Variants in APTX observed in about 807,000 individuals in gnomAD.
The protein encoded by APTX is aprataxin, also known as forkhead-associated domain histidine triad-like protein.
APTX carries 33 observed loss-of-function variants against 42.3 expected under a neutral mutation model. The ratio of observed to expected loss-of-function variants is 0.78; its 90% CI spans 0.59 to 1.04. The LOEUF is 1.04. Ranked by LOEUF, APTX falls within the 50% of genes least tolerant of loss-of-function variation. The pLI is 0.00. For missense variants in APTX, 421 were observed against 415.1 expected (o/e 1.01, Z -0.12); for synonymous variants, 130 against 146.7 (o/e 0.89, Z 0.82).
At chr9:32,997,641 AAAG>A (rs1435379403) in intron 1 of APTX, among the ~76,000 whole-genome samples, 1 of 152,170 alleles carries the variant, frequency 6.6e-6, no homozygotes, top group African/African-American at 2.4e-5. Context: ...GCAAGTACAC[AAAG>A]AAGAAATAGC....
chr9:33,006,282 T>C (rs1459657525), upstream of APTX, among the ~76,000 whole-genome samples: 1 of 152,118 alleles, frequency 6.6e-6, no homozygotes. Flanking sequence ...TAAAAAGAAT[T>C]TTTTTTAAAA....
intron 1 of APTX, among the ~76,000 whole-genome samples, chr9:33,008,129 A>T (rs1164321804): frequency 6.6e-6 from 1 of 152,156 alleles, no homozygotes; most frequent in Non-Finnish European, 1.5e-5. Context: ...CATGGCACAA[A>T]GATAAAATTC....
chr9:32,997,772 T>A (rs1835304468), intron 1 of APTX, among the ~76,000 whole-genome samples: 2 of 152,168 alleles, frequency 1.3e-5, no homozygotes, highest in Non-Finnish European at 2.9e-5. Context: ...AAGCTCAAAC[T>A]TTAGAACTTT....
At position 32,989,791 on chromosome 9, in the gene APTX, T is replaced by G; in HGVS notation, c.101A>C (p.Lys34Thr). ...AVVIGRGPET[K>T]ITDKKCSRQQ... is the part of the protein sequence containing the mutation. ...TCGAGAACATTTCTTATCAGTGATC[T>G]TGGTCTCTGGGCCACGCCCAATCAC... The change falls in exon 2 of 8, where the codon AAG becomes ACG. Residue 34 changes from lysine to threonine, a missense_variant. Coordinates refer to ENST00000379817, the MANE Select transcript of APTX (RefSeq NM_001195248.2). 1 of 1,614,272 alleles carries G rather than the reference T, an allele frequency of 6.2e-7. No homozygotes were observed. Among genetic ancestry groups the G allele is most frequent in the South Asian group, 1.1e-5 (1 of 91,086 alleles).
In APTX at chr9:33,001,395, G is replaced by A. The variant is rs775829713; in HGVS notation, c.-5+172C>T. ...TCGAAGACCAACGCGAGCGCCCGCT[G>A]AAACAGCCCAAGGTAGTAACAGGGG... On this transcript the variant is annotated intron_variant, in intron 1 of 7. Transcript: ENST00000379817. The A allele has an allele frequency of 3.3e-6, 5 of 1,533,758 alleles. No individual in the cohort carries two copies. The South Asian group carries it at 6.0e-5, about 18-fold the overall frequency.
At chr9:32,974,879 C>G (rs1013904143) in intron 6 of APTX, among the ~76,000 whole-genome samples, 6 of 151,668 alleles carry the variant, frequency 4.0e-5, no homozygotes, top group African/African-American at 1.2e-4. Flanking sequence ...AATAAGCAAA[C>G]AAATAAACAA....
chr9:32,974,282 G>A (rs1051505295), intron 7 of APTX, among the ~76,000 whole-genome samples, 176 bp downstream of exon 7: 3 of 152,114 alleles, frequency 2.0e-5, no homozygotes, highest in African/African-American at 4.8e-5. Flanking sequence ...CAGCAAAGTG[G>A]CAATAATACT....
intron 6 of APTX, among the ~76,000 whole-genome samples, chr9:32,982,171 C>T (rs980207299): frequency 2.0e-5 from 3 of 152,066 alleles, no homozygotes; most frequent in African/African-American, 7.2e-5. Context: ...TGCATAACGT[C>T]AACCTAATCA....
chr9:32,994,637 G>C (rs1049108843), intron 1 of APTX, among the ~76,000 whole-genome samples: 2 of 152,302 alleles, frequency 1.3e-5, no homozygotes, highest in African/African-American at 2.4e-5. Context: ...TCAGGTCTCT[G>C]TGTCACATTT....
Position 32,984,773 on chromosome 9 carries a change from T to C in APTX, c.628A>G (p.Ile210Val). 3 of 1,614,208 alleles carry C rather than the reference T, an allele frequency of 1.9e-6. No homozygotes were observed. Among genetic ancestry groups the C allele is most frequent in the Non-Finnish European group, 2.5e-6 (3 of 1,180,032 alleles). The change falls in exon 6 of 8, where the codon ATT (isoleucine) becomes GTT (valine). Residue 210 changes from isoleucine (I) to valine (V), a missense_variant. Physicochemically the swap from Ile to Val is conservative, Grantham distance 29. Transcript: ENST00000379817. ...YHWLVLPWTS[I>V]SSLKAVAREH... is the part of the protein sequence containing the mutation. ...CTGGCCACAGCCTTCAGACTGGAAATGGAGGTCCACGGTAAGACCAGCCAA... is the reference window on the plus strand; with the variant it reads ...CTGGCCACAGCCTTCAGACTGGAAACGGAGGTCCACGGTAAGACCAGCCAA...
upstream of APTX, chr9:33,001,769 A>T: frequency 1.2e-6 from 1 of 851,492 alleles, no homozygotes; most frequent in Non-Finnish European, 1.9e-6. Context: ...GCCGTGGTCC[A>T]ACTGAGGATC....
intron 1 of APTX, among the ~76,000 whole-genome samples, chr9:33,022,673 G>A (rs1200506800): frequency 1.3e-5 from 2 of 152,178 alleles, no homozygotes; most frequent in African/African-American, 2.4e-5. Flanking sequence ...AAAATAACAA[G>A]GCAGATTAGT....
chr9:32,985,937 G>T, intron 5 of APTX, 34 bp downstream of exon 5: 1 of 1,545,172 alleles, frequency 6.5e-7, no homozygotes. Flanking sequence ...TTTACAACAT[G>T]AAATGTACTG....
At chr9:32,979,696 G>C in intron 6 of APTX, 1 of 163,042 alleles carries the variant, frequency 6.1e-6, no homozygotes, top group African/African-American at 2.4e-5. Context: ...GACTTCTTTG[G>C]TCAAGTTTTT....
At chr9:32,991,177 C>T (rs1011919763) in intron 1 of APTX, among the ~76,000 whole-genome samples, 1 of 152,120 alleles carries the variant, frequency 6.6e-6, no homozygotes, top group Admixed American at 6.5e-5. Flanking sequence ...CCGCCTGCCT[C>T]GGCCTCCCAA....
intron 1 of APTX, among the ~76,000 whole-genome samples, chr9:33,011,753 A>C (rs1837559544): frequency 6.6e-6 from 1 of 152,214 alleles, no homozygotes; most frequent in African/African-American, 2.4e-5. Context: ...TCAACAAGCC[A>C]GACACAGCCC....
chr9:33,006,776 G>A (rs1469406597), intron 1 of APTX, among the ~76,000 whole-genome samples: 2 of 152,008 alleles, frequency 1.3e-5, no homozygotes, highest in Admixed American at 6.6e-5. Context: ...CGAGGCAGGC[G>A]AATCACGAGG....
chr9:32,987,939 AAGC>A, intron 3 of APTX, 93 bp from the exon 4 acceptor site: 1 of 1,541,352 alleles, frequency 6.5e-7, no homozygotes, highest in Non-Finnish European at 8.9e-7. Context: ...ACTATATGCC[AAGC>A]ACCTTGCCTT....
At position 32,973,626 on chromosome 9, in the gene APTX, C is replaced by T. The variant is rs774598658; in HGVS notation, c.901G>A (p.Gly301Ser). 13 of 1,613,568 alleles carry T rather than the reference C, an allele frequency of 8.1e-6. No individual in the cohort carries two copies. The highest frequency in any genetic ancestry group is 1.7e-5 in the Admixed American group (1 of 59,962). The part of the protein sequence containing the change: ...QAVIEMVQEA[G>S]RVTVRDGMPE... The stretch of plus-strand genomic sequence containing the variant: ...ATCCCATCTCGGACAGTTACTCTAC[C>T]AGCCTCTTGTACCATCTCGATCACA... The change falls in exon 8 of 8, where the codon GGT becomes AGT. Residue 301 changes from glycine (G) to serine (S), a missense_variant. Coordinates refer to ENST00000379817, the MANE Select transcript of APTX (RefSeq NM_001195248.2).
Sources: gnomAD v4.1 joint callset for allele counts (sites outside exome capture counted in the v4.1 genomes callset) on GRCh38, gnomAD v4.1.1 for gene constraint, MANE v1.5 for transcripts, NCBI Gene and HGNC (gene_info 2026-07-23, HGNC 2026-07-21) for gene names.